Variants in AP1M1 observed in about 807,000 individuals in gnomAD.
AP1M1 encodes the protein AP-1 complex subunit mu-1.
AP1M1 carries 18 observed loss-of-function variants against 57.1 expected under a neutral mutation model. The observed-to-expected ratio is 0.32, with a 90% CI of 0.22 to 0.47. The LOEUF (loss-of-function observed/expected upper bound fraction) is 0.47, where lower values mean the gene tolerates loss of function less well. AP1M1 is among the 20% of genes least tolerant of loss of function. AP1M1 has a pLI of 1.00. For synonymous variants in AP1M1, 241 were observed against 237.9 expected, an observed-to-expected ratio of 1.01 and a Z score of -0.12; for missense variants, 362 against 593.5, an observed-to-expected ratio of 0.61 and a Z score of 4.05.
intron 5 of AP1M1, among the ~76,000 whole-genome samples, chr19:16,222,278 G>T (rs1193125170): frequency 2.0e-5 from 3 of 150,304 alleles, no homozygotes; most frequent in Non-Finnish European, 4.4e-5. Context: ...AGCAAGCATG[G>T]CTCACTGTAG....
rs2091616747 is a variant in AP1M1 at position 16,234,652 on chromosome 19, CG to C, written c.*218del. On this transcript the variant is annotated 3_prime_UTR_variant, in exon 12 of 12. Transcript: ENST00000291439. Reference sequence around the variant, plus strand: ...GAAGAGGCTGGTCTTCAAGAAGTCTCGTTTCTTTGCCCCTGAAGTCAGTTTC... The same window carrying C: ...GAAGAGGCTGGTCTTCAAGAAGTCTCTTTCTTTGCCCCTGAAGTCAGTTTC... The C allele has an allele frequency of 6.6e-6, 4 of 610,370 alleles. No homozygotes were observed. The highest frequency in any genetic ancestry group is 1.2e-5 in the Non-Finnish European group (4 of 346,598). 37.8% of individuals were successfully genotyped at this position (610,370 alleles called of 1,614,324 possible). A position where few individuals can be genotyped will look rare whatever the true frequency, so the allele number is the denominator to read the frequency against.
rs749740447 is a variant in AP1M1, at chr19:16,228,746, G to T, written c.889-24G>T. 1 of 1,612,052 alleles carries T rather than the reference G, an allele frequency of 6.2e-7. No homozygotes were observed. The highest frequency in any genetic ancestry group is 8.5e-7 in the Non-Finnish European group (1 of 1,179,236). The stretch of plus-strand genomic sequence containing the variant: ...AGCTCACCTTGGCCTCCATAACCCC[G>T]GGCCGCATTGGCCTGGCCTGCAGGC... On this transcript the variant is annotated intron_variant, in intron 8 of 11. Coordinates refer to ENST00000291439, the MANE Select transcript of AP1M1 (RefSeq NM_032493.4). This position sits in a 1 kb window ranked among gnomAD's most constrained non-coding sequence, Gnocchi z 5.0.
intron 5 of AP1M1, among the ~76,000 whole-genome samples, chr19:16,221,878 G>T (rs2091545837): frequency 2.0e-5 from 3 of 152,052 alleles, no homozygotes; most frequent in Admixed American, 2.0e-4. Flanking sequence ...TAGAGACAGG[G>T]TTTCTCCATG....
intron 10 of AP1M1, 131 bp from the exon 11 acceptor site, chr19:16,234,068 C>T (rs77964911): frequency 1.2e-5 from 10 of 848,010 alleles, no homozygotes; most frequent in East Asian, 2.7e-5. Flanking sequence ...CTTTCACCCC[C>T]CTGAGGCCTG....
In AP1M1 at chr19:16,209,195, CCTT is replaced by C. The variant is rs1423227555; in HGVS notation, c.546+24_546+26del. 1.9e-6 allele frequency: 3 copies of C among 1,612,998 alleles called. No individual in the cohort carries two copies. Among genetic ancestry groups the C allele is most frequent in the Admixed American group, 3.3e-5 (2 of 59,708 alleles). The stretch of plus-strand genomic sequence containing the variant: ...ACCTCTTGGTAGGCCTCTTTTCTTT[CCTT>C]CTTCTGTAGGGTTTTATCTCTTCCA... On this transcript the variant is annotated intron_variant, in intron 5 of 11. Coordinates refer to ENST00000291439, the MANE Select transcript of AP1M1 (RefSeq NM_032493.4).
At position 16,241,517 on chromosome 19, in the gene AP1M1, A is replaced by C. The variant is rs1256255044; in HGVS notation, c.*7082A>C. ...AGAGTAGCGACAAAAGGCGCAACTG[A>C]AGTACTAGACAACATCCTGGTGTTC... is the stretch of plus-strand genomic sequence containing the variant. On this transcript the variant is annotated 3_prime_UTR_variant, in exon 12 of 12. Coordinates refer to ENST00000291439, the MANE Select transcript of AP1M1 (RefSeq NM_032493.4). 2.0e-5 allele frequency: 3 copies of C among 152,222 alleles called. No individual in the cohort carries two copies. Among genetic ancestry groups the C allele is most frequent in the African/African-American group, 7.2e-5 (3 of 41,460 alleles). 9.4% of individuals were successfully genotyped at this position (152,222 alleles called of 1,614,324 possible).
intron 9 of AP1M1, among the ~76,000 whole-genome samples, chr19:16,229,558 G>A (rs746745081): frequency 3.9e-4 from 60 of 152,202 alleles, no homozygotes; most frequent in Non-Finnish European, 7.6e-4. Context: ...CAGGGCAGGC[G>A]CTGCTTTCCA....
chr19:16,205,696 C>T (rs918542191), intron 2 of AP1M1, among the ~76,000 whole-genome samples: 5 of 152,184 alleles, frequency 3.3e-5, no homozygotes, highest in South Asian at 2.1e-4. Context: ...GAATAGGAAG[C>T]GCCCAGCACA....
intron 4 of AP1M1, 88 bp from the exon 5 acceptor site, chr19:16,208,942 C>T (rs866851225): frequency 6.6e-7 from 1 of 1,507,250 alleles, no homozygotes; most frequent in Non-Finnish European, 8.9e-7. Context: ...CCTGTACCCC[C>T]CACCCAACCC....
intron 5 of AP1M1, among the ~76,000 whole-genome samples, chr19:16,221,533 G>C (rs961768187): frequency 1.3e-5 from 2 of 152,148 alleles, no homozygotes; most frequent in Non-Finnish European, 2.9e-5. Context: ...ATAAAGGCAA[G>C]GGAGAACAAA....
rs1282593798 is a variant in AP1M1, at chr19:16,206,264, G to T, written c.200-77G>T. 6 of 1,469,412 alleles carry T rather than the reference G, an allele frequency of 4.1e-6. No homozygotes were observed. In the South Asian group the frequency reaches 6.9e-5, roughly 17 times the overall value. 91.0% of individuals were successfully genotyped at this position (1,469,412 alleles called of 1,614,324 possible). On this transcript the variant is annotated intron_variant, in intron 2 of 11. Transcript: ENST00000291439. The surrounding 1 kb of genome is among the most constrained non-coding windows in gnomAD (Gnocchi z 4.3). Reference sequence around the variant, plus strand: ...GGCTCTGAGGGTTGTGAGGGTTAGGGGGTCCCTCCATGAACCAGGATCTTC... The same window carrying T: ...GGCTCTGAGGGTTGTGAGGGTTAGGTGGTCCCTCCATGAACCAGGATCTTC...
Position 16,228,635 on chromosome 19 carries a change from A to G in AP1M1, c.889-135A>G. ...CTCGAGGGCAGGAGAAGGGGTGGGT[A>G]GTGCCTGGAGAAGTGGGGCCAGGGG... On this transcript the variant is annotated intron_variant, in intron 8 of 11. Transcript: ENST00000291439. This position sits in a 1 kb window ranked among gnomAD's most constrained non-coding sequence, Gnocchi z 5.0. 1 of 853,638 alleles carries G rather than the reference A, an allele frequency of 1.2e-6. No homozygotes were observed. The highest frequency in any genetic ancestry group is 1.8e-6 in the Non-Finnish European group (1 of 547,906). The allele number at this position is 853,638 out of a possible 1,614,324, so 52.9% of individuals were successfully genotyped here. A position where few individuals can be genotyped will look rare whatever the true frequency, so the allele number is the denominator to read the frequency against.
chr19:16,198,104 A>G (rs1263029917), intron 1 of AP1M1, 36 bp downstream of exon 1: 1 of 1,590,124 alleles, frequency 6.3e-7, no homozygotes, highest in Non-Finnish European at 8.5e-7. Context: ...GTTGCCAGGC[A>G]ACCGGCAGGG....
chr19:16,219,532 G>A (rs2091533804), intron 5 of AP1M1, among the ~76,000 whole-genome samples: 1 of 151,808 alleles, frequency 6.6e-6, no homozygotes, highest in Admixed American at 6.6e-5. Context: ...CAAGTAGCTG[G>A]GATTACAGGC....
chr19:16,216,026 C>T lies in AP1M1; in HGVS notation c.546+6849C>T, dbSNP rs369748309. 1.1e-4 allele frequency among the ~76,000 whole-genome samples: 16 copies of T among 152,226 alleles called. No individual in the cohort carries two copies. In the East Asian group the frequency reaches 2.9e-3, roughly 28 times the overall value. ...TTTTTCAGCTGTATCAGGTCAGTTA[C>T]ATCATTTTCTATCCTGGCTGTTTTG... On this transcript the variant is annotated intron_variant, in intron 5 of 11. Transcript: ENST00000291439.
At chr19:16,211,115 G>A (rs1253241032) in intron 5 of AP1M1, among the ~76,000 whole-genome samples, 2 of 134,588 alleles carry the variant, frequency 1.5e-5, no homozygotes, top group African/African-American at 2.8e-5. Context: ...TTTTTTTTTC[G>A]ACAGAGTCTC....
chr19:16,206,722 G>C lies in AP1M1; in HGVS notation c.267+314G>C, dbSNP rs780181397. On this transcript the variant is annotated intron_variant, in intron 3 of 11. Transcript: ENST00000291439. This position sits in a 1 kb window ranked among gnomAD's most constrained non-coding sequence, Gnocchi z 4.3. ...TTGGAAGGATGTGGGGTGACCAGCT[G>C]GATGGGGCTGGAATAACCAGCAGAG... 6.6e-6 allele frequency among the ~76,000 whole-genome samples: 1 copy of C among 152,184 alleles called. No homozygotes were observed. The highest frequency in any genetic ancestry group is 6.5e-5 in the Admixed American group (1 of 15,288).
At chr19:16,200,751 T>C (rs1409625610) in intron 1 of AP1M1, among the ~76,000 whole-genome samples, 1 of 152,248 alleles carries the variant, frequency 6.6e-6, no homozygotes, top group East Asian at 1.9e-4. Context: ...CAGCAGCTTC[T>C]GACACCACTA....
In AP1M1 at chr19:16,234,363, A is replaced by G. The variant is rs1303597717; in HGVS notation, c.1250-50A>G. ...GTGGAGCCATCGGGTCGGGTCCCGA[A>G]AGCAGGGAGGGTGCAGAGCCCAGCA... On this transcript the variant is annotated intron_variant, in intron 11 of 11. Coordinates refer to ENST00000291439, the MANE Select transcript of AP1M1 (RefSeq NM_032493.4). 16 of 1,613,664 alleles carry G rather than the reference A, an allele frequency of 9.9e-6. No homozygotes were observed. The African/African-American group carries it at 1.1e-4, about 11-fold the overall frequency.
Sources: allele counts gnomAD v4.1 joint callset (sites outside exome capture counted in the v4.1 genomes callset), GRCh38; gene constraint gnomAD v4.1.1; non-coding constraint Gnocchi (gnomAD v3.1); transcripts MANE v1.5; gene names NCBI Gene and HGNC (gene_info 2026-07-23, HGNC 2026-07-21).